The following KCTD16 variants were observed in gnomAD, a reference collection of about 807,000 sequenced individuals.
KCTD16 encodes potassium channel tetramerization domain containing 16.
KCTD16 carries 13 observed loss-of-function variants against 33.2 expected under a neutral mutation model. The ratio of observed to expected loss-of-function variants is 0.39; its 90% CI spans 0.25 to 0.62. The LOEUF (loss-of-function observed/expected upper bound fraction) is 0.62. Among genes scored for constraint, KCTD16 ranks in the 20% least tolerant of loss-of-function variants. The pLI, the probability that KCTD16 is intolerant of heterozygous loss-of-function variation, is 0.50. For synonymous variants in KCTD16, 197 were observed against 195.3 expected, an observed-to-expected ratio of 1.01 and a Z score of -0.07; for missense variants, 441 against 525.1, an observed-to-expected ratio of 0.84 and a Z score of 1.57.
intron 3 of KCTD16, among the ~76,000 whole-genome samples, chr5:144,244,903 A>C (rs1203944382): frequency 6.6e-6 from 1 of 152,204 alleles, no homozygotes; most frequent in Admixed American, 6.5e-5. Flanking sequence ...AGCTCCTTGA[A>C]AGCTGAAAAT....
intron 3 of KCTD16, among the ~76,000 whole-genome samples, chr5:144,347,809 G>A (rs917957071): frequency 6.6e-6 from 1 of 152,112 alleles, no homozygotes; most frequent in South Asian, 2.1e-4. Context: ...TTTCTCATCT[G>A]GGGGGATCTC....
intron 2 of KCTD16, among the ~76,000 whole-genome samples, chr5:144,197,985 C>T (rs1222286557): frequency 1.3e-5 from 2 of 152,134 alleles, no homozygotes; most frequent in African/African-American, 2.4e-5. Flanking sequence ...AAAGGTTTCT[C>T]TTTTTTTCCA....
intron 3 of KCTD16, among the ~76,000 whole-genome samples, chr5:144,261,913 A>C (rs1755021898): frequency 6.6e-6 from 1 of 152,178 alleles, no homozygotes; most frequent in African/African-American, 2.4e-5. Context: ...ATTTTGATTA[A>C]ATAAGTACTT....
intron 3 of KCTD16, among the ~76,000 whole-genome samples, chr5:144,441,656 C>A (rs958935571): frequency 2.0e-5 from 3 of 152,030 alleles, no homozygotes; most frequent in African/African-American, 4.8e-5. Context: ...CTTCTGAATT[C>A]TCAGTCGTAT....
chr5:144,243,782 T>C (rs1329022940), intron 3 of KCTD16, among the ~76,000 whole-genome samples: 1 of 152,168 alleles, frequency 6.6e-6, no homozygotes, highest in African/African-American at 2.4e-5. Flanking sequence ...TCTCGTTCTG[T>C]CACCAGGATG....
chr5:144,331,584 A>G (rs1203669437), intron 3 of KCTD16, among the ~76,000 whole-genome samples: 1 of 152,174 alleles, frequency 6.6e-6, no homozygotes, highest in African/African-American at 2.4e-5. Flanking sequence ...ATAGTTATGG[A>G]TGGGGAATGG....
intron 2 of KCTD16, among the ~76,000 whole-genome samples, chr5:144,184,676 ATTATT>A (rs1461838791): frequency 6.6e-6 from 1 of 152,180 alleles, no homozygotes; most frequent in Non-Finnish European, 1.5e-5. Context: ...AACACTTGTT[ATTATT>A]TTCTTTCTTC....
intron 3 of KCTD16, among the ~76,000 whole-genome samples, chr5:144,455,529 G>A (rs1167573045): frequency 6.6e-6 from 1 of 152,138 alleles, no homozygotes; most frequent in Non-Finnish European, 1.5e-5. Context: ...GTTCCATGTG[G>A]GGCAAGACAC....
chr5:144,466,550 A>G (rs1754336428), intron 3 of KCTD16, among the ~76,000 whole-genome samples: 1 of 152,310 alleles, frequency 6.6e-6, no homozygotes, highest in Admixed American at 6.5e-5. Context: ...TGGGGCAGTC[A>G]TGTTTAATGT....
At chr5:144,252,727 GA>G (rs1307727974) in intron 3 of KCTD16, among the ~76,000 whole-genome samples, 1 of 151,564 alleles carries the variant, frequency 6.6e-6, no homozygotes, top group Non-Finnish European at 1.5e-5. Flanking sequence ...CATTTTGCTG[GA>G]AAAAACTGTG....
intron 3 of KCTD16, among the ~76,000 whole-genome samples, chr5:144,231,611 C>A (rs1208186378): frequency 6.6e-6 from 1 of 152,110 alleles, no homozygotes; most frequent in Non-Finnish European, 1.5e-5. Flanking sequence ...TTGTAATAAT[C>A]CCCATGTATC....
intron 3 of KCTD16, among the ~76,000 whole-genome samples, chr5:144,362,627 A>T (rs1361978113): frequency 6.6e-6 from 1 of 152,172 alleles, no homozygotes; most frequent in Non-Finnish European, 1.5e-5. Context: ...ATTATTTTAA[A>T]GGGTTATTTA....
chr5:144,210,516 A>G (rs544225457), intron 3 of KCTD16, among the ~76,000 whole-genome samples: 21 of 152,338 alleles, frequency 1.4e-4, no homozygotes, highest in African/African-American at 4.3e-4. Context: ...AGGTTTCTTT[A>G]CTACTTTCCC....
intron 3 of KCTD16, among the ~76,000 whole-genome samples, chr5:144,292,255 G>A (rs771682614): frequency 2.6e-5 from 4 of 152,208 alleles, no homozygotes; most frequent in Non-Finnish European, 5.9e-5. Context: ...TTTGGGACAT[G>A]GTGAGAATGT....
chr5:144,202,609 C>G (rs577890846), intron 2 of KCTD16, among the ~76,000 whole-genome samples: 1 of 152,270 alleles, frequency 6.6e-6, no homozygotes, highest in Admixed American at 6.5e-5. Context: ...TCTTGCTTTT[C>G]TGAGGTTCCA....
rs147908061 is a variant in KCTD16, at chr5:144,310,243, C to A, written c.832+102697C>A. 3.7e-3 allele frequency among the ~76,000 whole-genome samples: 564 copies of A among 152,178 alleles called. 3 individuals are homozygous for A. Among genetic ancestry groups the A allele is most frequent in the African/African-American group, 0.013 (540 of 41,538 alleles). ...AAATGACAGGATTTCATTTTTTATACGGTTGAATAGTATACCACTGTGTAT... is the reference window on the plus strand; with the variant it reads ...AAATGACAGGATTTCATTTTTTATAAGGTTGAATAGTATACCACTGTGTAT... On this transcript the variant is annotated intron_variant, in intron 3 of 3. Transcript: ENST00000512467.
chr5:144,243,654 AC>A (rs1754464948), intron 3 of KCTD16, among the ~76,000 whole-genome samples: 1 of 152,226 alleles, frequency 6.6e-6, no homozygotes, highest in Admixed American at 6.5e-5. Flanking sequence ...GCAGAAGACT[AC>A]GGTACTAGCT....
chr5:144,458,581 A>C (rs1379183164), intron 3 of KCTD16, among the ~76,000 whole-genome samples: 1 of 152,210 alleles, frequency 6.6e-6, no homozygotes, highest in Non-Finnish European at 1.5e-5. Context: ...CTTAGACTCT[A>C]GGGGAACTCA....
chr5:144,437,354 G>A (rs552252970), intron 3 of KCTD16, among the ~76,000 whole-genome samples: 37 of 152,262 alleles, frequency 2.4e-4, no homozygotes, highest in African/African-American at 7.0e-4. Flanking sequence ...CCACGGAGCA[G>A]CAGTAATGGA....
Sources: gnomAD v4.1 joint callset for allele counts (sites outside exome capture counted in the v4.1 genomes callset) on GRCh38, gnomAD v4.1.1 for gene constraint, MANE v1.5 for transcripts, NCBI Gene and HGNC (gene_info 2026-07-23, HGNC 2026-07-21) for gene names.